The following UBR4 variants were observed in gnomAD, a reference collection of about 807,000 sequenced individuals.
UBR4 encodes E3 ubiquitin-protein ligase UBR4.
A neutral mutation model predicts 575.6 loss-of-function variants in UBR4; 124 were observed. That is an observed-to-expected ratio of 0.22 (90% confidence interval 0.19 to 0.25). The LOEUF (loss-of-function observed/expected upper bound fraction) is 0.25, where lower values mean the gene tolerates loss of function less well. Among genes scored for constraint, UBR4 ranks in the 10% least tolerant of loss-of-function variants. UBR4 has a pLI of 1.00. For missense variants in UBR4, 4,818 were observed against 6,478.8 expected (o/e 0.74, Z 8.80); for synonymous variants, 2,455 against 2,473.7 (o/e 0.99, Z 0.22).
chr1:19,210,181 G>A lies in UBR4; in HGVS notation c.68C>T (p.Ala23Val). The A allele has an allele frequency of 1.3e-6, 2 of 1,500,388 alleles. No individual in the cohort carries two copies. The highest frequency in any genetic ancestry group is 1.8e-6 in the Non-Finnish European group (2 of 1,130,878). The allele number at this position is 1,500,388 out of a possible 1,614,324, so 92.9% of individuals were successfully genotyped here. A position where few individuals can be genotyped will look rare whatever the true frequency, so the allele number is the denominator to read the frequency against. Residue 23 changes from alanine (A) to valine (V), a missense_variant, in exon 1 of 106, where the codon GCG becomes GTG. Ala to Val is a moderately conservative substitution (Grantham distance 64). Around this residue, in one of 29 missense-constraint regions of UBR4, gnomAD observed 95 missense variants for 87.7 expected, o/e 1.08. Coordinates refer to ENST00000375254, the MANE Select transcript of UBR4 (RefSeq NM_020765.3). ...APAPGTPATG[A>V]DTTPGWEVAV... ...CACCTCCCAGCCCGGGGTCGTGTCC[G>A]CCCCCGTTGCCGGGGTCCCCGGCGC...
chr1:19,153,672 C>A lies in UBR4; in HGVS notation c.6630+96G>T. ...AAAGGACTGAAAATCTTTTATGGGCCTCCATTGAAAGAGCTGGGAAAGTGA... is the reference window on the plus strand; with the variant it reads ...AAAGGACTGAAAATCTTTTATGGGCATCCATTGAAAGAGCTGGGAAAGTGA... On this transcript the variant is annotated intron_variant, in intron 45 of 105. Coordinates refer to ENST00000375254, the MANE Select transcript of UBR4 (RefSeq NM_020765.3). This position sits in a 1 kb window ranked among gnomAD's most constrained non-coding sequence, Gnocchi z 4.1. 1 of 1,511,296 alleles carries A rather than the reference C, an allele frequency of 6.6e-7. No homozygotes were observed. Among genetic ancestry groups the A allele is most frequent in the South Asian group, 1.3e-5 (1 of 76,788 alleles). The allele number at this position is 1,511,296 out of a possible 1,614,324, so 93.6% of individuals were successfully genotyped here.
At chr1:19,206,457 C>T (rs1479581030) in intron 1 of UBR4, among the ~76,000 whole-genome samples, 2 of 152,102 alleles carry the variant, frequency 1.3e-5, no homozygotes, top group African/African-American at 2.4e-5. Flanking sequence ...TCCCGAGTAG[C>T]TGGGATTATG....
At chr1:19,154,445 C>T (rs2282331) in intron 44 of UBR4, among the ~76,000 whole-genome samples, 66,905 of 152,032 alleles carry the variant, frequency 0.44, 15,208 homozygotes, top group East Asian at 0.76. Context: ...ACTCTCACTA[C>T]CTTACACACC....
At position 19,201,698 on chromosome 1, in the gene UBR4, G is replaced by A. The variant is rs753288929; in HGVS notation, c.274+20C>T. 13 of 1,598,526 alleles carry A rather than the reference G, an allele frequency of 8.1e-6. No individual in the cohort carries two copies. The highest frequency in any genetic ancestry group is 1.3e-5 in the African/African-American group (1 of 74,522). ...TATTCACAAGCCCTCAGAAGGGAAGGACAAGAGTGGAATACTTACTGAGAC... is the reference window on the plus strand; with the variant it reads ...TATTCACAAGCCCTCAGAAGGGAAGAACAAGAGTGGAATACTTACTGAGAC... On this transcript the variant is annotated intron_variant, in intron 2 of 105. Coordinates refer to ENST00000375254, the MANE Select transcript of UBR4 (RefSeq NM_020765.3).
At chr1:19,077,798 G>C (rs749497422) in intron 104 of UBR4, 178 bp downstream of exon 104, 189 of 1,533,112 alleles carry the variant, frequency 1.2e-4, no homozygotes, top group Non-Finnish European at 1.5e-4. Context: ...ACAGACACAA[G>C]GCTCCAGGCT....
chr1:19,077,050 T>A, intron 104 of UBR4, 148 bp from the exon 105 acceptor site: 1 of 792,588 alleles, frequency 1.3e-6, no homozygotes, highest in Non-Finnish European at 1.9e-6. Flanking sequence ...AGAGCGTGCG[T>A]TTTGTCTCCA....
rs369522510 is a variant in UBR4 at position 19,087,216 on chromosome 1, G to A, written c.14545-395C>T. On this transcript the variant is annotated intron_variant, in intron 99 of 105. Coordinates refer to ENST00000375254, the MANE Select transcript of UBR4 (RefSeq NM_020765.3). ...AGAGCCTGCATTACGCAGGACTAACGAGCCCTGTGGCCCAGGCACCTGCCC... is the reference window on the plus strand; with the variant it reads ...AGAGCCTGCATTACGCAGGACTAACAAGCCCTGTGGCCCAGGCACCTGCCC... Among the ~76,000 whole-genome samples, 48 of 152,348 alleles carry A rather than the reference G, an allele frequency of 3.2e-4. No homozygotes were observed. The East Asian group carries it at 7.5e-3, about 24-fold the overall frequency.
rs1376108790 is a variant in UBR4 at position 19,144,064 on chromosome 1, G to T, written c.8095C>A (p.Gln2699Lys). 6.2e-7 allele frequency: 1 copy of T among 1,614,050 alleles called. No homozygotes were observed. Among genetic ancestry groups the T allele is most frequent in the South Asian group, 1.1e-5 (1 of 91,080 alleles). The change falls in exon 55 of 106, where the codon CAA (glutamine) becomes AAA (lysine). Residue 2699 changes from glutamine (Q) to lysine (K), a missense_variant. By Grantham distance (53) the Gln-to-Lys change is moderately conservative (BLOSUM62 1). This residue lies in a region of UBR4 where 340 missense variants were observed against 375.4 expected (regional missense o/e 0.91). Coordinates refer to ENST00000375254, the MANE Select transcript of UBR4 (RefSeq NM_020765.3). ...GGCCTTAGGACTCGAATTAGAGCTT[G>T]TTTACAAGAGAAGCTCACAGCAGGA... is the stretch of plus-strand genomic sequence containing the variant. The part of the protein sequence containing the change: ...PDPAVSFSCK[Q>K]ALIRVLRPRN...
At chr1:19,095,079 G>A in intron 93 of UBR4, 54 bp from the exon 94 acceptor site, 1 of 1,613,028 alleles carries the variant, frequency 6.2e-7, no homozygotes, top group Non-Finnish European at 8.5e-7. Context: ...GCCACTAACT[G>A]CTGAGGACAA....
At chr1:19,114,699 G>A in intron 75 of UBR4, 112 bp downstream of exon 75, 2 of 1,394,292 alleles carry the variant, frequency 1.4e-6, no homozygotes, top group Admixed American at 2.2e-5. Flanking sequence ...TGAAACTGGT[G>A]TTGAGTCGAA....
In UBR4 at chr1:19,074,897, C is replaced by G. The variant is rs1177098769; in HGVS notation, c.15488-1G>C. 6 of 1,613,872 alleles carry G rather than the reference C, an allele frequency of 3.7e-6. No homozygotes were observed. Among genetic ancestry groups the G allele is most frequent in the Non-Finnish European group, 5.1e-6 (6 of 1,179,974 alleles). ...GGATCGGTGATTTCTGATAAAAGAC[C>G]TGCAAAGCACAACGGGCAGAGGTGT... On this transcript the variant is annotated splice_acceptor_variant, in intron 105 of 105. Transcript: ENST00000375254. LOFTEE classifies it high-confidence loss of function.
intron 29 of UBR4, 32 bp from the exon 30 acceptor site, chr1:19,165,789 T>C: frequency 6.4e-7 from 1 of 1,554,034 alleles, no homozygotes; most frequent in Non-Finnish European, 8.8e-7. Context: ...TAACCACCAG[T>C]ATTAAGACCT....
At chr1:19,199,514 C>G in intron 3 of UBR4, 137 bp downstream of exon 3, 6 of 709,378 alleles carry the variant, frequency 8.5e-6, no homozygotes, top group Non-Finnish European at 1.4e-5. Flanking sequence ...TAACTAGCTG[C>G]AACAGATAAC....
chr1:19,092,158 T>C (rs774033863), intron 97 of UBR4, among the ~76,000 whole-genome samples: 2 of 152,128 alleles, frequency 1.3e-5, no homozygotes, highest in African/African-American at 4.8e-5. Flanking sequence ...CTTGTGCTGA[T>C]GAACCTGCCC....
intron 97 of UBR4, among the ~76,000 whole-genome samples, chr1:19,091,766 A>G (rs2077533995): frequency 6.6e-6 from 1 of 152,216 alleles, no homozygotes; most frequent in Non-Finnish European, 1.5e-5. Context: ...AGCTTCTTAT[A>G]AACAAAATAT....
intron 30 of UBR4, 31 bp downstream of exon 30, chr1:19,165,614 CATTCAAAAAAT>C: frequency 6.4e-7 from 1 of 1,574,770 alleles, no homozygotes; most frequent in South Asian, 1.1e-5. Flanking sequence ...TTTCAAGAGG[CATTCAAAAAAT>C]ATTCACTGAA....
chr1:19,098,143 C>T (rs2078245418), intron 90 of UBR4, among the ~76,000 whole-genome samples: 1 of 152,220 alleles, frequency 6.6e-6, no homozygotes, highest in African/African-American at 2.4e-5. Flanking sequence ...CAGGACAGGA[C>T]ACCCTGGAGG....
At chr1:19,199,882 CAA>C (rs1476695846) in intron 2 of UBR4, 128 bp from the exon 3 acceptor site, 8 of 804,210 alleles carry the variant, frequency 9.9e-6, no homozygotes, top group Non-Finnish European at 1.6e-5. Flanking sequence ...GCCAAAAACC[CAA>C]GGGGTAAACA....
rs1557653058 is a variant in UBR4 at position 19,117,417 on chromosome 1, A to ATT, written c.10630-4_10630-3insAA. ...TTAATGGAAGACAGCTTGATATACT[A>ATT]AATACAAGAGTTCACAAAACATGGT... is the stretch of plus-strand genomic sequence containing the variant. On this transcript the variant is annotated splice_region_variant and splice_polypyrimidine_tract_variant and intron_variant, in intron 72 of 105. Transcript: ENST00000375254. This position sits in a 1 kb window ranked among gnomAD's most constrained non-coding sequence, Gnocchi z 4.0. 6.2e-7 allele frequency: 1 copy of ATT among 1,613,994 alleles called. No individual in the cohort carries two copies. The highest frequency in any genetic ancestry group is 2.2e-5 in the East Asian group (1 of 44,874).
Sources: allele counts gnomAD v4.1 joint callset (sites outside exome capture counted in the v4.1 genomes callset), GRCh38; gene constraint gnomAD v4.1.1; regional missense constraint gnomAD v4.1.1; non-coding constraint Gnocchi (gnomAD v3.1); transcripts MANE v1.5; gene names NCBI Gene and HGNC (gene_info 2026-07-23, HGNC 2026-07-21).